The following GOLGA3 variants were observed in gnomAD, a reference collection of about 807,000 sequenced individuals.
GOLGA3 encodes the protein golgin subfamily A member 3.
Under a neutral mutation model 169.4 loss-of-function variants are expected in GOLGA3, and 75 were observed. That is an observed-to-expected ratio of 0.44 (90% CI 0.37 to 0.54). GOLGA3 has a LOEUF of 0.54. GOLGA3 is among the 20% of genes least tolerant of loss of function. The pLI is 0.00. For synonymous variants in GOLGA3, 824 were observed against 822.4 expected, an observed-to-expected ratio of 1.00 and a Z score of -0.03; for missense variants, 1,899 against 1,930.0, an observed-to-expected ratio of 0.98 and a Z score of 0.30.
intron 15 of GOLGA3, among the ~76,000 whole-genome samples, chr12:132,785,530 C>T (rs1396445633): frequency 6.6e-6 from 1 of 152,130 alleles, no homozygotes; most frequent in Non-Finnish European, 1.5e-5. Context: ...CCAGGCTGGT[C>T]TCAAACTCCT....
intron 11 of GOLGA3, among the ~76,000 whole-genome samples, chr12:132,794,947 G>A (rs1478526622): frequency 6.6e-6 from 1 of 152,308 alleles, no homozygotes; most frequent in African/African-American, 2.4e-5. Context: ...CCAACACTTC[G>A]GGAGGCCGAG....
At chr12:132,780,111 C>A (rs1320102085) in intron 18 of GOLGA3, among the ~76,000 whole-genome samples, 1 of 63,582 alleles carries the variant, frequency 1.6e-5, no homozygotes, top group Non-Finnish European at 4.6e-5. Context: ...GCACGCACAG[C>A]CCCCCGCGTG....
In GOLGA3 at chr12:132,769,877, G is replaced by T. The variant is rs1352344102; in HGVS notation, c.*3228C>A. On this transcript the variant is annotated 3_prime_UTR_variant, in exon 24 of 24. Transcript: ENST00000450791. ...TTATGCACTGAAGTAACTCTGGAAG[G>T]TAGAAGTGCCGGGAGAGTCCCTTGG... is the stretch of plus-strand genomic sequence containing the variant. 3 of 152,150 alleles carry T rather than the reference G, an allele frequency of 2.0e-5. No individual in the cohort carries two copies. The highest frequency in any genetic ancestry group is 4.4e-5 in the Non-Finnish European group (3 of 68,036). 9.4% of individuals were successfully genotyped at this position (152,150 alleles called of 1,614,324 possible).
At chr12:132,799,809 T>C (rs1048917168) in intron 8 of GOLGA3, among the ~76,000 whole-genome samples, 1 of 152,072 alleles carries the variant, frequency 6.6e-6, no homozygotes, top group Non-Finnish European at 1.5e-5. Context: ...AGCGCAATCT[T>C]GGCTCACTAC....
chr12:132,807,078 G>A, intron 6 of GOLGA3, 99 bp downstream of exon 6: 3 of 673,412 alleles, frequency 4.5e-6, no homozygotes, highest in East Asian at 5.7e-5. Flanking sequence ...TGCGGCGGCT[G>A]ATTCCCAACC....
Position 132,772,678 on chromosome 12 carries a change from A to T in GOLGA3, c.*427T>A. On this transcript the variant is annotated 3_prime_UTR_variant, in exon 24 of 24. Coordinates refer to ENST00000450791, the MANE Select transcript of GOLGA3 (RefSeq NM_001389683.1). ...CAGATAAAATTTCATTTCTGCGGAA[A>T]AGTAAAGCTCTTACTGAATGGAACA... 6.3e-6 allele frequency: 1 copy of T among 158,756 alleles called. No homozygotes were observed. Among genetic ancestry groups the T allele is most frequent in the Non-Finnish European group, 1.4e-5 (1 of 72,668 alleles). The allele number at this position is 158,756 out of a possible 1,614,324, so 9.8% of individuals were successfully genotyped here. A position where few individuals can be genotyped will look rare whatever the true frequency, so the allele number is the denominator to read the frequency against.
chr12:132,797,597 A>T (rs1948913127), intron 9 of GOLGA3, among the ~76,000 whole-genome samples: 1 of 152,234 alleles, frequency 6.6e-6, no homozygotes, highest in South Asian at 2.1e-4. Flanking sequence ...CTGTAATCCC[A>T]GCTACTCGGG....
chr12:132,773,874 C>T (rs1351752360), intron 23 of GOLGA3, among the ~76,000 whole-genome samples: 1 of 127,414 alleles, frequency 7.8e-6, no homozygotes, highest in African/African-American at 3.0e-5. Context: ...GGCTGTGAGT[C>T]CCTCCCCCTT....
rs1393673182 is a variant in GOLGA3 at position 132,807,912 on chromosome 12, C to T, written c.1157G>A (p.Arg386Gln). 9.4e-6 allele frequency: 15 copies of T among 1,599,936 alleles called. No homozygotes were observed. Among genetic ancestry groups the T allele is most frequent in the Non-Finnish European group, 1.3e-5 (15 of 1,172,212 alleles). ...GQEVNGEVRS[R>Q]RDSICSSVSL... ...CCACCTGCTGCAGATGCTGTCTCTC[C>T]GACTCCGCACCTCCCCGTTGACCTC... Residue 386 changes from arginine to glutamine, a missense_variant, in exon 5 of 24, where the codon CGG becomes CAG. Coordinates refer to ENST00000450791, the MANE Select transcript of GOLGA3 (RefSeq NM_001389683.1).
Position 132,775,132 on chromosome 12 carries a change from C to T in GOLGA3, c.4143+9G>A, listed in dbSNP as rs369321813. 1.2e-6 allele frequency: 2 copies of T among 1,611,460 alleles called. No homozygotes were observed. The highest frequency in any genetic ancestry group is 1.7e-6 in the Non-Finnish European group (2 of 1,179,610). On this transcript the variant is annotated intron_variant, in intron 22 of 23. Transcript: ENST00000450791. ...TCGGCTACCCCGGGAGGGACGCGGG[C>T]CTGAGTACCGTCTTGGCCGCGCCGC...
At chr12:132,781,102 C>T (rs2045579383) in intron 17 of GOLGA3, among the ~76,000 whole-genome samples, 188 bp from the exon 18 acceptor site, 1 of 152,228 alleles carries the variant, frequency 6.6e-6, no homozygotes, top group Non-Finnish European at 1.5e-5. Flanking sequence ...CACAGGGCCG[C>T]ACTCAAGAAC....
Position 132,816,726 on chromosome 12 carries a change from G to C in GOLGA3, c.220C>G (p.Pro74Ala). 1 of 1,614,072 alleles carries C rather than the reference G, an allele frequency of 6.2e-7. No homozygotes were observed. Among genetic ancestry groups the C allele is most frequent in the South Asian group, 1.1e-5 (1 of 91,088 alleles). Reference protein sequence around the residue: ...GGLCQNGPTPPFPDPPSSLDP... With the variant: ...GGLCQNGPTPAFPDPPSSLDP... ...AGAGACGACGGAGGGTCTGGGAAGG[G>C]TGGCGTTGGCCCGTTCTGACAGAGG... Residue 74 changes from proline (P) to alanine (A), a missense_variant, in exon 3 of 24, where the codon CCC becomes GCC. Coordinates refer to ENST00000450791, the MANE Select transcript of GOLGA3 (RefSeq NM_001389683.1).
At chr12:132,789,669 C>A (rs575814829) in intron 12 of GOLGA3, among the ~76,000 whole-genome samples, 74 of 62,478 alleles carry the variant, frequency 1.2e-3, no homozygotes, top group Admixed American at 1.7e-3. Context: ...CAGGGGCCGC[C>A]CTTGCTCAGA....
rs2044899902 is a variant in GOLGA3, at chr12:132,771,636, C to T, written c.*1469G>A. On this transcript the variant is annotated 3_prime_UTR_variant, in exon 24 of 24. Transcript: ENST00000450791. ...TTCCGGAAGTCGCCTCTGCTTGCCACATGATGCTGGTGTAACCACAAAAGA... is the reference window on the plus strand; with the variant it reads ...TTCCGGAAGTCGCCTCTGCTTGCCATATGATGCTGGTGTAACCACAAAAGA... 6.6e-6 allele frequency: 1 copy of T among 152,158 alleles called. No individual in the cohort carries two copies. The highest frequency in any genetic ancestry group is 2.1e-4 in the South Asian group (1 of 4,834). The allele number at this position is 152,158 out of a possible 1,614,324, so 9.4% of individuals were successfully genotyped here. A position where few individuals can be genotyped will look rare whatever the true frequency, so the allele number is the denominator to read the frequency against.
intron 11 of GOLGA3, among the ~76,000 whole-genome samples, chr12:132,791,946 G>A (rs1226685725): frequency 1.5e-5 from 2 of 136,844 alleles, no homozygotes; most frequent in Non-Finnish European, 3.2e-5. Flanking sequence ...TTACACTGAG[G>A]ACTATAGGAG....
At position 132,774,092 on chromosome 12, in the gene GOLGA3, C is replaced by G. The variant is rs2045073555; in HGVS notation, c.4307+65G>C. The G allele has an allele frequency of 2.1e-6, 3 of 1,447,918 alleles. No homozygotes were observed. The African/African-American group carries it at 4.3e-5, about 21-fold the overall frequency. The allele number at this position is 1,447,918 out of a possible 1,614,324, so 89.7% of individuals were successfully genotyped here. On this transcript the variant is annotated intron_variant, in intron 23 of 23. Transcript: ENST00000450791. ...CACTCAGTACTGGCACCAGGAGTGCCCTCCCAGGTAAGAGGGCATTAATCT... is the reference window on the plus strand; with the variant it reads ...CACTCAGTACTGGCACCAGGAGTGCGCTCCCAGGTAAGAGGGCATTAATCT...
chr12:132,802,053 G>T, intron 7 of GOLGA3, 84 bp from the exon 8 acceptor site: 1 of 1,030,616 alleles, frequency 9.7e-7, no homozygotes, highest in Non-Finnish European at 1.4e-6. Context: ...ACACAAGGCG[G>T]GACTCTCAGG....
At chr12:132,807,371 AC>A in intron 5 of GOLGA3, 83 bp from the exon 6 acceptor site, 1 of 691,732 alleles carries the variant, frequency 1.4e-6, no homozygotes, top group Non-Finnish European at 2.4e-6. Context: ...AATTCCACAC[AC>A]CCCTGCTGCT....
intron 13 of GOLGA3, 118 bp downstream of exon 13, chr12:132,788,909 C>T (rs1487816494): frequency 5.6e-6 from 3 of 538,896 alleles, no homozygotes; most frequent in South Asian, 2.9e-5. Flanking sequence ...ACACAGGCCC[C>T]GACCCAGACA....
Sources: gnomAD v4.1 joint callset for allele counts (sites outside exome capture counted in the v4.1 genomes callset) on GRCh38, gnomAD v4.1.1 for gene constraint, MANE v1.5 for transcripts, NCBI Gene and HGNC (gene_info 2026-07-23, HGNC 2026-07-21) for gene names.